KCTD1: variants seen among roughly 807,000 people sequenced by gnomAD.
KCTD1 encodes BTB/POZ domain-containing protein KCTD1.
KCTD1 carries 24 observed loss-of-function variants against 66.0 expected under a neutral mutation model. The ratio of observed to expected loss-of-function variants is 0.36; its 90% CI spans 0.26 to 0.51. The LOEUF (loss-of-function observed/expected upper bound fraction) is 0.51, where lower values mean the gene tolerates loss of function less well. KCTD1 is among the 20% of genes least tolerant of loss of function. The pLI, the probability that KCTD1 is intolerant of heterozygous loss-of-function variation, is 0.95. For missense variants in KCTD1, 943 were observed against 1,205.2 expected, an observed-to-expected ratio of 0.78 and a Z score of 3.22; for synonymous variants, 511 against 517.2, an observed-to-expected ratio of 0.99 and a Z score of 0.16.
intron 2 of KCTD1, among the ~76,000 whole-genome samples, chr18:26,499,821 T>C (rs75697302): frequency 0.012 from 1,839 of 152,258 alleles, 36 homozygotes; most frequent in African/African-American, 0.042. Flanking sequence ...AACAGAGAAA[T>C]GCCCTGTTTC....
rs372268604 is a variant in KCTD1 at position 26,538,918 on chromosome 18, C to T, written c.1809+7810G>A. Among the ~76,000 whole-genome samples the T allele has an allele frequency of 3.0e-4, 45 of 152,320 alleles. No individual in the cohort carries two copies. The East Asian group carries it at 4.1e-3, about 14-fold the overall frequency. Reference sequence around the variant, plus strand: ...GACCCAGCAAAGGCTGGGGGCCCCACACAGCAAAACGGAAGCCTGCCACAC... The same window carrying T: ...GACCCAGCAAAGGCTGGGGGCCCCATACAGCAAAACGGAAGCCTGCCACAC... On this transcript the variant is annotated intron_variant, in intron 1 of 4. Coordinates refer to ENST00000580059, the MANE Select transcript of KCTD1 (RefSeq NM_001142730.3).
chr18:26,459,881 C>G lies in KCTD1; in HGVS notation c.2178G>C (p.Gln726His). The change falls in exon 4 of 5, where the codon CAG becomes CAC. Residue 726 changes from glutamine to histidine, a missense_variant. Physicochemically the swap from Gln to His is conservative, Grantham distance 24. Around this residue, in one of 10 missense-constraint regions of KCTD1, gnomAD observed 162 missense variants for 232.4 expected, o/e 0.70. Coordinates refer to ENST00000580059, the MANE Select transcript of KCTD1 (RefSeq NM_001142730.3). ...LYEEAKYFQLQPMLLEMERWK... is the reference protein window; with the variant it reads ...LYEEAKYFQLHPMLLEMERWK... ...ATCTTTCCATCTCCAACAACATGGG[C>G]TGAAGCTGAAAATATTTTGCCTCTT... is the stretch of plus-strand genomic sequence containing the variant. The G allele has an allele frequency of 6.2e-7, 1 of 1,605,790 alleles. No homozygotes were observed.
At chr18:26,487,286 A>G (rs998478961) in intron 2 of KCTD1, among the ~76,000 whole-genome samples, 1 of 152,244 alleles carries the variant, frequency 6.6e-6, no homozygotes, top group Non-Finnish European at 1.5e-5. Flanking sequence ...GGAAGGAGAC[A>G]GCCTCAGGAC....
upstream of KCTD1, among the ~76,000 whole-genome samples, chr18:26,552,991 T>C (rs187665772): frequency 5.0e-4 from 76 of 151,084 alleles, no homozygotes; most frequent in Non-Finnish European, 6.5e-4. Flanking sequence ...TTCTTTCTTT[T>C]TTTTTTTTTT....
chr18:26,625,099 T>C (rs115549816), intron 1 of KCTD1, among the ~76,000 whole-genome samples: 2,324 of 152,302 alleles, frequency 0.015, 68 homozygotes, highest in African/African-American at 0.053. Flanking sequence ...TGTACCCTCA[T>C]TGTATCTGGG....
At position 26,611,349 on chromosome 18, in the gene KCTD1, T is replaced by C. The variant is rs191220751; in HGVS notation, c.-16+17798A>G. Among the ~76,000 whole-genome samples the C allele has an allele frequency of 7.2e-3, 905 of 126,394 alleles. 6 individuals carry two copies. Among genetic ancestry groups the C allele is most frequent in the South Asian group, 0.013 (54 of 4,184 alleles). The allele number at this position is 126,394 out of a possible 152,430, so 82.9% of individuals were successfully genotyped here. A position where few individuals can be genotyped will look rare whatever the true frequency, so the allele number is the denominator to read the frequency against. ...TAACTGGGTTTTGTTTGTTTGTTTG[T>C]TTGTTTGTTTGTTTGTTTTGAGATG... On this transcript the variant is annotated intron_variant, in intron 1 of 4. Transcript: ENST00000317932.
chr18:26,577,067 G>C (rs1986241764), intron 1 of KCTD1, among the ~76,000 whole-genome samples: 1 of 152,158 alleles, frequency 6.6e-6, no homozygotes, highest in South Asian at 2.1e-4. Flanking sequence ...GAAGAATTTA[G>C]TGGTTTATGT....
chr18:26,600,956 A>G (rs954367533), intron 1 of KCTD1, among the ~76,000 whole-genome samples: 1 of 151,990 alleles, frequency 6.6e-6, no homozygotes, highest in Non-Finnish European at 1.5e-5. Flanking sequence ...CTTGCTGCAT[A>G]TCTTGAGATA....
chr18:26,474,050 G>C (rs1466656879), intron 3 of KCTD1, among the ~76,000 whole-genome samples: 1 of 152,064 alleles, frequency 6.6e-6, no homozygotes, highest in Non-Finnish European at 1.5e-5. Context: ...TACTCTTCTG[G>C]ATCTTTTTCT....
intron 1 of KCTD1, among the ~76,000 whole-genome samples, chr18:26,553,747 T>C (rs1985631829): frequency 6.6e-6 from 1 of 152,076 alleles, no homozygotes; most frequent in Admixed American, 6.5e-5. Context: ...TCATACACAT[T>C]TGACCATTAC....
chr18:26,549,882 G>A (rs1010123721), upstream of KCTD1: 2 of 852,962 alleles, frequency 2.3e-6, no homozygotes, highest in Admixed American at 6.2e-5. Context: ...CCAAACGCCC[G>A]CCCCCGGCGC....
At chr18:26,643,705 G>A (rs1445670714), upstream of KCTD1, among the ~76,000 whole-genome samples, 2 of 152,140 alleles carry the variant, frequency 1.3e-5, no homozygotes, top group Non-Finnish European at 2.9e-5. Flanking sequence ...GCTCACGCCT[G>A]TAATCCCAGC....
chr18:26,620,417 A>T (rs1450806943), intron 1 of KCTD1, among the ~76,000 whole-genome samples: 2 of 145,402 alleles, frequency 1.4e-5, no homozygotes, highest in East Asian at 2.0e-4. Flanking sequence ...CTTTTATGAC[A>T]GCAATCAAAA....
In KCTD1 at chr18:26,545,966, T is replaced by C. The variant is rs924003772; in HGVS notation, c.1809+762A>G. 4.6e-5 allele frequency among the ~76,000 whole-genome samples: 7 copies of C among 152,042 alleles called. No homozygotes were observed. In the South Asian group the frequency reaches 1.5e-3, roughly 32 times the overall value. On this transcript the variant is annotated intron_variant, in intron 1 of 4. Transcript: ENST00000580059. Reference sequence around the variant, plus strand: ...GCTGGGATAGCACTCTTACTCTAATTATCTACTTCGTAGGTATTATCTGCC... The same window carrying C: ...GCTGGGATAGCACTCTTACTCTAATCATCTACTTCGTAGGTATTATCTGCC...
intron 1 of KCTD1, among the ~76,000 whole-genome samples, chr18:26,530,904 C>T (rs138843006): frequency 6.8e-4 from 104 of 152,238 alleles, no homozygotes; most frequent in African/African-American, 2.4e-3. Context: ...CCTTTCTGTT[C>T]AAGGCAAAGA....
intron 1 of KCTD1, among the ~76,000 whole-genome samples, chr18:26,508,422 T>C (rs993084979): frequency 6.6e-6 from 1 of 152,170 alleles, no homozygotes; most frequent in African/African-American, 2.4e-5. Context: ...GCCCTGGGGG[T>C]ACTGCCTTGA....
At chr18:26,546,578 A>C in intron 1 of KCTD1, 150 bp downstream of exon 1, 1 of 876,468 alleles carries the variant, frequency 1.1e-6, no homozygotes, top group African/African-American at 1.7e-5. Context: ...AAGCACCAAG[A>C]GAGTTAACTT....
chr18:26,550,557 G>GACACACACACACACAC (rs907937404), upstream of KCTD1, among the ~76,000 whole-genome samples: 31 of 83,674 alleles, frequency 3.7e-4, no homozygotes, highest in African/African-American at 1.9e-3. The surrounding 1 kb of genome is among the most constrained non-coding windows in gnomAD (Gnocchi z 5.4). Flanking sequence ...GGAAACACAA[G>GACACACACACACACAC]ACACACAGAC....
At chr18:26,599,578 C>T in intron 1 of KCTD1, 3 of 1,502,810 alleles carry the variant, frequency 2.0e-6, no homozygotes, top group South Asian at 1.1e-5. Context: ...ACAAAGAATC[C>T]AGCTTTGACA....
Sources: allele counts gnomAD v4.1 joint callset (sites outside exome capture counted in the v4.1 genomes callset), GRCh38; gene constraint gnomAD v4.1.1; regional missense constraint gnomAD v4.1.1; non-coding constraint Gnocchi (gnomAD v3.1); transcripts MANE v1.5; gene names NCBI Gene and HGNC (gene_info 2026-07-23, HGNC 2026-07-21).